Variants in GSAP observed in about 807,000 individuals in gnomAD.
GSAP encodes the protein gamma-secretase activating protein, also known as gamma-secretase-activating protein.
GSAP carries 118 observed loss-of-function variants against 131.7 expected under a neutral mutation model. That is an observed-to-expected ratio of 0.90 (90% confidence interval 0.77 to 1.04). The LOEUF (loss-of-function observed/expected upper bound fraction) is 1.04. Among genes scored for constraint, GSAP ranks in the 50% least tolerant of loss-of-function variants. GSAP has a pLI of 0.00. For missense variants in GSAP, 1,019 were observed against 1,013.2 expected (o/e 1.01, Z -0.08); for synonymous variants, 381 against 363.4 (o/e 1.05, Z -0.55).
chr7:77,331,438 G>C (rs981906613), intron 19 of GSAP, among the ~76,000 whole-genome samples: 12 of 152,248 alleles, frequency 7.9e-5, no homozygotes, highest in South Asian at 4.1e-4. Flanking sequence ...ACTGGGGCCA[G>C]AGATGTAATG....
At chr7:77,388,140 C>A (rs531309496) in intron 5 of GSAP, among the ~76,000 whole-genome samples, 1 of 152,212 alleles carries the variant, frequency 6.6e-6, no homozygotes, top group Non-Finnish European at 1.5e-5. Flanking sequence ...ACAAATTCAA[C>A]AGAGACACAG....
intron 23 of GSAP, among the ~76,000 whole-genome samples, 191 bp downstream of exon 23, chr7:77,326,021 A>T (rs1411159880): frequency 1.3e-5 from 2 of 152,042 alleles, no homozygotes; most frequent in Non-Finnish European, 2.9e-5. Context: ...TCCCCCTTTG[A>T]CTACACATTC....
At chr7:77,386,292 T>C (rs1281214387) in intron 6 of GSAP, among the ~76,000 whole-genome samples, 1 of 152,122 alleles carries the variant, frequency 6.6e-6, no homozygotes, top group Admixed American at 6.5e-5. Context: ...AATAATAACA[T>C]ACACAGTTTT....
intron 2 of GSAP, 44 bp from the exon 3 acceptor site, chr7:77,404,659 G>A: frequency 1.8e-6 from 2 of 1,141,030 alleles, no homozygotes; most frequent in Non-Finnish European, 1.3e-6. Flanking sequence ...CATTGTTTAG[G>A]AAGTTAGAAT....
intron 19 of GSAP, among the ~76,000 whole-genome samples, chr7:77,340,364 G>A (rs150974896): frequency 1.3e-3 from 194 of 152,220 alleles, no homozygotes; most frequent in African/African-American, 4.0e-3. Flanking sequence ...ACAGACACAC[G>A]TGACATTTGG....
chr7:77,348,884 GA>G (rs1792307011), intron 19 of GSAP, among the ~76,000 whole-genome samples: 3 of 152,200 alleles, frequency 2.0e-5, no homozygotes, highest in South Asian at 2.1e-4. Context: ...CAACCAGAAG[GA>G]AATTAGATAA....
chr7:77,347,704 A>G (rs74767810), intron 19 of GSAP, among the ~76,000 whole-genome samples: 3,942 of 152,242 alleles, frequency 0.026, 167 homozygotes, highest in African/African-American at 0.085. Context: ...AATTTATCTA[A>G]TATCTGTAGA....
intron 7 of GSAP, 43 bp downstream of exon 7, chr7:77,382,531 G>T: frequency 1.0e-6 from 1 of 985,182 alleles, no homozygotes; most frequent in Non-Finnish European, 1.6e-6. Flanking sequence ...GAGACGATAT[G>T]CCATTCATGA....
chr7:77,327,192 G>C (rs1028782999), intron 22 of GSAP: 16 of 152,228 alleles, frequency 1.1e-4, no homozygotes, highest in Admixed American at 2.6e-4. Flanking sequence ...GCAAGGAAAG[G>C]GAAGAGTTTC....
At chr7:77,392,732 C>T (rs1158680482) in intron 5 of GSAP, among the ~76,000 whole-genome samples, 3 of 152,126 alleles carry the variant, frequency 2.0e-5, no homozygotes, top group African/African-American at 7.2e-5. Flanking sequence ...GAAATGGTGA[C>T]AAGGATGGGA....
intron 8 of GSAP, 38 bp downstream of exon 8, chr7:77,381,267 A>G (rs1349578693): frequency 1.6e-6 from 2 of 1,270,696 alleles, no homozygotes; most frequent in Admixed American, 2.3e-5. Flanking sequence ...TGTGGGGAAA[A>G]AAAAACCTAT....
In GSAP at chr7:77,321,478, C is replaced by T. The variant is rs994563487; in HGVS notation, c.1924-75G>A. The T allele has an allele frequency of 6.7e-6, 6 of 896,996 alleles. No individual in the cohort carries two copies. The East Asian group carries it at 9.9e-5, about 15-fold the overall frequency. The allele number at this position is 896,996 out of a possible 1,614,324, so 55.6% of individuals were successfully genotyped here. On this transcript the variant is annotated intron_variant, in intron 24 of 30. Transcript: ENST00000257626. ...GGGCCCCACAGCTAGGCCTCCACAACTCAGATAAGCATTTCAGGGCAGCTG... is the reference window on the plus strand; with the variant it reads ...GGGCCCCACAGCTAGGCCTCCACAATTCAGATAAGCATTTCAGGGCAGCTG...
At chr7:77,374,771 C>T (rs1487459328) in intron 11 of GSAP, among the ~76,000 whole-genome samples, 1 of 152,050 alleles carries the variant, frequency 6.6e-6, no homozygotes, top group African/African-American at 2.4e-5. Flanking sequence ...CCATCGAATC[C>T]CTCTATTTAA....
intron 12 of GSAP, among the ~76,000 whole-genome samples, chr7:77,365,899 T>G (rs888966613): frequency 4.8e-3 from 244 of 50,528 alleles, no homozygotes; most frequent in African/African-American, 0.018. Context: ...CAACTGTGGG[T>G]TTTTTTTTTT....
chr7:77,339,759 G>A (rs1484994585), intron 19 of GSAP, among the ~76,000 whole-genome samples: 1 of 152,170 alleles, frequency 6.6e-6, no homozygotes, highest in Non-Finnish European at 1.5e-5. Context: ...CAAAAAAGAA[G>A]CGACTTTGTT....
intron 2 of GSAP, among the ~76,000 whole-genome samples, chr7:77,405,353 G>A (rs1367848223): frequency 6.6e-6 from 1 of 152,174 alleles, no homozygotes; most frequent in Non-Finnish European, 1.5e-5. Context: ...TACGTCTGAA[G>A]AGAGTAATCA....
chr7:77,380,725 GT>G (rs1195077902), intron 8 of GSAP, among the ~76,000 whole-genome samples: 2 of 151,764 alleles, frequency 1.3e-5, no homozygotes, highest in Non-Finnish European at 2.9e-5. Flanking sequence ...AAAAGTACAT[GT>G]GGAAAACAAG....
intron 19 of GSAP, among the ~76,000 whole-genome samples, chr7:77,339,381 G>A (rs1790545296): frequency 6.6e-6 from 1 of 152,272 alleles, no homozygotes; most frequent in Non-Finnish European, 1.5e-5. Flanking sequence ...GGTAGGTGGA[G>A]TTGGTCAAAC....
rs186734164 is a variant in GSAP, at chr7:77,315,059, G to T, written c.2090-570C>A. ...CAGGCATTCTCAAGCCTGTCTCACGGGTAGAGCTACCCACAGAAACCCAGA... is the reference window on the plus strand; with the variant it reads ...CAGGCATTCTCAAGCCTGTCTCACGTGTAGAGCTACCCACAGAAACCCAGA... On this transcript the variant is annotated intron_variant, in intron 26 of 30. Transcript: ENST00000257626. The T allele has an allele frequency of 3.9e-5, 6 of 152,526 alleles. No individual in the cohort carries two copies. The East Asian group carries it at 1.2e-3, about 29-fold the overall frequency. The allele number at this position is 152,526 out of a possible 1,614,324, so 9.4% of individuals were successfully genotyped here.
Sources: allele counts gnomAD v4.1 joint callset (sites outside exome capture counted in the v4.1 genomes callset), GRCh38; gene constraint gnomAD v4.1.1; transcripts MANE v1.5; gene names NCBI Gene and HGNC (gene_info 2026-07-23, HGNC 2026-07-21).